Variants in MACROD2 observed in about 807,000 individuals in gnomAD.
The protein encoded by MACROD2 is mono-ADP ribosylhydrolase 2.
In MACROD2, 36 loss-of-function variants were observed where a neutral mutation model predicts 70.4. The ratio of observed to expected loss-of-function variants is 0.51; its 90% CI spans 0.39 to 0.68. MACROD2 has a LOEUF of 0.68. MACROD2 is among the 30% of genes least tolerant of loss of function. The pLI, the probability that MACROD2 is intolerant of heterozygous loss-of-function variation, is 0.00. For synonymous variants in MACROD2, 172 were observed against 178.8 expected (o/e 0.96, Z 0.30); for missense variants, 496 against 538.4 (o/e 0.92, Z 0.78).
chr20:14,249,287 ATGT>A (rs1162045210), intron 3 of MACROD2, among the ~76,000 whole-genome samples: 1 of 151,964 alleles, frequency 6.6e-6, no homozygotes, highest in African/African-American at 2.4e-5. Context: ...TATGTTTAAA[ATGT>A]TGTCTCAGTA....
rs76142947 is a variant in MACROD2, at chr20:14,559,350, A to C, written c.301+65842A>C. 1.8e-4 allele frequency among the ~76,000 whole-genome samples: 27 copies of C among 151,924 alleles called. No homozygotes were observed. In the East Asian group the frequency reaches 4.1e-3, roughly 23 times the overall value. On this transcript the variant is annotated intron_variant, in intron 4 of 17. Coordinates refer to ENST00000684519, the MANE Select transcript of MACROD2 (RefSeq NM_001351661.2). ...TTACACAAATAATTTATTTTACATA[A>C]AAACATTCTAGCTAGCATCTAGCAG...
At chr20:14,828,275 A>T (rs2072924605) in intron 5 of MACROD2, among the ~76,000 whole-genome samples, 1 of 152,118 alleles carries the variant, frequency 6.6e-6, no homozygotes, top group Non-Finnish European at 1.5e-5. Flanking sequence ...TATTTTGAGG[A>T]TGAAAAACGT....
At chr20:14,542,228 C>T (rs2085442406) in intron 4 of MACROD2, among the ~76,000 whole-genome samples, 1 of 152,198 alleles carries the variant, frequency 6.6e-6, no homozygotes, top group Non-Finnish European at 1.5e-5. Flanking sequence ...GCCAATATGG[C>T]ACTGTCAGTG....
intron 2 of MACROD2, among the ~76,000 whole-genome samples, chr20:14,016,370 C>T (rs940685900): frequency 2.6e-5 from 4 of 152,138 alleles, no homozygotes; most frequent in African/African-American, 9.7e-5. Context: ...GTCGTCTTTT[C>T]ACTCTCTTAA....
intron 8 of MACROD2, among the ~76,000 whole-genome samples, chr20:15,815,620 C>G (rs370782140): frequency 2.7e-4 from 41 of 152,206 alleles, no homozygotes; most frequent in Admixed American, 8.5e-4. Flanking sequence ...AATATTATGA[C>G]AGTTGTCCAG....
intron 3 of MACROD2, among the ~76,000 whole-genome samples, chr20:14,372,587 A>G (rs959776872): frequency 5.3e-5 from 8 of 152,116 alleles, no homozygotes; most frequent in African/African-American, 1.9e-4. Context: ...AGGGATATGT[A>G]TTAAATTGTT....
chr20:15,069,791 C>G (rs866733749), intron 5 of MACROD2, among the ~76,000 whole-genome samples: 10 of 152,190 alleles, frequency 6.6e-5, no homozygotes, highest in African/African-American at 2.4e-4. Context: ...AGCGTGGGTG[C>G]CCAGGCAGTA....
intron 6 of MACROD2, among the ~76,000 whole-genome samples, chr20:15,358,581 T>C (rs753674618): frequency 6.6e-6 from 1 of 152,148 alleles, no homozygotes; most frequent in Non-Finnish European, 1.5e-5. Flanking sequence ...TTCATATAAT[T>C]ATATATATTC....
At chr20:14,562,286 T>A (rs2054527701) in intron 4 of MACROD2, among the ~76,000 whole-genome samples, 1 of 151,880 alleles carries the variant, frequency 6.6e-6, no homozygotes, top group African/African-American at 2.4e-5. Flanking sequence ...GATAAAAAAA[T>A]TTCATTTTGT....
At chr20:15,203,204 C>T (rs2076672088) in intron 5 of MACROD2, among the ~76,000 whole-genome samples, 1 of 152,128 alleles carries the variant, frequency 6.6e-6, no homozygotes, top group South Asian at 2.1e-4. Context: ...TCAAATCTTA[C>T]ATCGCAAATT....
chr20:15,895,030 C>A (rs1051475017), intron 10 of MACROD2, among the ~76,000 whole-genome samples: 1 of 152,182 alleles, frequency 6.6e-6, no homozygotes, highest in African/African-American at 2.4e-5. Flanking sequence ...AAATGATTCC[C>A]ATCACATCCA....
intron 4 of MACROD2, among the ~76,000 whole-genome samples, chr20:14,613,553 G>T (rs1057384397): frequency 6.6e-6 from 1 of 152,072 alleles, no homozygotes; most frequent in African/African-American, 2.4e-5. Flanking sequence ...ACTCTATTAA[G>T]TATGGAGATA....
At position 14,995,793 on chromosome 20, in the gene MACROD2, C is replaced by T. The variant is rs185969475; in HGVS notation, c.419-234147C>T. Among the ~76,000 whole-genome samples, 129 of 152,096 alleles carry T rather than the reference C, an allele frequency of 8.5e-4. 1 individual carries two copies. The highest frequency in any genetic ancestry group is 2.8e-3 in the African/African-American group (116 of 41,504). On this transcript the variant is annotated intron_variant, in intron 5 of 17. Transcript: ENST00000684519. ...TTGAAAATGAATGATAAAAATATTA[C>T]GTATCGAAACCTATGGGATGCAGTT... is the stretch of plus-strand genomic sequence containing the variant.
At chr20:14,957,841 G>C (rs904526125) in intron 5 of MACROD2, among the ~76,000 whole-genome samples, 3 of 151,458 alleles carry the variant, frequency 2.0e-5, no homozygotes, top group Non-Finnish European at 4.4e-5. Context: ...TTTTACTTTG[G>C]TGTGTAATTT....
chr20:16,007,751 C>T (rs946219815), intron 15 of MACROD2, among the ~76,000 whole-genome samples: 1 of 152,144 alleles, frequency 6.6e-6, no homozygotes, highest in African/African-American at 2.4e-5. Flanking sequence ...TATTATCTAA[C>T]TTGTGACCCA....
intron 4 of MACROD2, among the ~76,000 whole-genome samples, chr20:14,657,709 A>G (rs1318384216): frequency 2.0e-5 from 3 of 152,194 alleles, no homozygotes; most frequent in Non-Finnish European, 4.4e-5. Flanking sequence ...CCTCTTTGAG[A>G]GGCTTATTCT....
At chr20:14,896,603 G>GAA (rs929773633) in intron 5 of MACROD2, among the ~76,000 whole-genome samples, 2 of 151,778 alleles carry the variant, frequency 1.3e-5, no homozygotes, top group Non-Finnish European at 2.9e-5. Flanking sequence ...AGGAAACAGA[G>GAA]CCTAAGAAGG....
chr20:15,416,248 G>A (rs2146331979), intron 6 of MACROD2, among the ~76,000 whole-genome samples: 1 of 152,284 alleles, frequency 6.6e-6, no homozygotes, highest in Admixed American at 6.5e-5. Flanking sequence ...TTTAACTTGG[G>A]AAATATGACT....
intron 5 of MACROD2, among the ~76,000 whole-genome samples, chr20:14,991,567 G>T (rs984036281): frequency 2.0e-5 from 3 of 152,160 alleles, no homozygotes; most frequent in East Asian, 1.9e-4. Context: ...CAAGAGACAA[G>T]ACTATGATAA....
Sources: gnomAD v4.1 joint callset for allele counts (sites outside exome capture counted in the v4.1 genomes callset) on GRCh38, gnomAD v4.1.1 for gene constraint, MANE v1.5 for transcripts, NCBI Gene and HGNC (gene_info 2026-07-23, HGNC 2026-07-21) for gene names.